Variants in SGCZ observed in about 807,000 individuals in gnomAD.
SGCZ encodes the protein zeta-sarcoglycan.
A neutral mutation model predicts 41.3 loss-of-function variants in SGCZ; 40 were observed. The observed-to-expected ratio is 0.97, with a 90% CI of 0.75 to 1.26. The LOEUF (loss-of-function observed/expected upper bound fraction) is 1.26, where lower values mean the gene tolerates loss of function less well. Among genes scored for constraint, SGCZ ranks in the 50% most tolerant of loss-of-function variants. SGCZ has a pLI of 0.00. For synonymous variants in SGCZ, 206 were observed against 137.5 expected, an observed-to-expected ratio of 1.50 and a Z score of -3.49; for missense variants, 552 against 369.8, an observed-to-expected ratio of 1.49 and a Z score of -4.04.
At chr8:14,394,889 T>C (rs1052787488) in intron 2 of SGCZ, among the ~76,000 whole-genome samples, 8 of 152,128 alleles carry the variant, frequency 5.3e-5, no homozygotes, top group Non-Finnish European at 1.0e-4. Flanking sequence ...ATGGGTGATA[T>C]TGTGCAGATA....
At chr8:14,707,891 C>A (rs535367466) in intron 1 of SGCZ, among the ~76,000 whole-genome samples, 2 of 151,884 alleles carry the variant, frequency 1.3e-5, no homozygotes, top group African/African-American at 4.8e-5. Context: ...CAATAGCATG[C>A]AATCATTAAA....
intron 2 of SGCZ, among the ~76,000 whole-genome samples, chr8:14,398,846 A>C (rs1379585850): frequency 2.6e-5 from 4 of 152,124 alleles, no homozygotes; most frequent in African/African-American, 9.7e-5. Context: ...GTGATTATTT[A>C]GCTCAAGGTG....
At chr8:14,636,982 T>A (rs1806850854) in intron 1 of SGCZ, among the ~76,000 whole-genome samples, 1 of 151,894 alleles carries the variant, frequency 6.6e-6, no homozygotes, top group Non-Finnish European at 1.5e-5. Context: ...TTTTCTGTTT[T>A]CCAAAACACG....
chr8:15,217,327 G>C (rs928754897), intron 1 of SGCZ, among the ~76,000 whole-genome samples: 2 of 150,864 alleles, frequency 1.3e-5, no homozygotes, highest in East Asian at 3.9e-4. Flanking sequence ...TGAGGCAGGA[G>C]AATGGCGTGA....
chr8:14,171,474 G>T (rs1219006532), intron 4 of SGCZ, among the ~76,000 whole-genome samples: 2 of 151,846 alleles, frequency 1.3e-5, no homozygotes, highest in Non-Finnish European at 2.9e-5. Flanking sequence ...TCAACTGGTA[G>T]TATAATCTCC....
At chr8:14,991,563 G>T (rs1436801001) in intron 1 of SGCZ, among the ~76,000 whole-genome samples, 1 of 152,032 alleles carries the variant, frequency 6.6e-6, no homozygotes, top group Non-Finnish European at 1.5e-5. Context: ...TATTATCAAA[G>T]CACTTATGCC....
At chr8:14,243,077 T>G (rs7840280) in intron 3 of SGCZ, among the ~76,000 whole-genome samples, 1 of 152,194 alleles carries the variant, frequency 6.6e-6, no homozygotes, top group Non-Finnish European at 1.5e-5. Flanking sequence ...AGATTCCAAA[T>G]GAGGAGGGTA....
intron 1 of SGCZ, among the ~76,000 whole-genome samples, chr8:14,862,818 C>G (rs1440200838): frequency 1.3e-5 from 2 of 151,788 alleles, no homozygotes; most frequent in Non-Finnish European, 2.9e-5. Flanking sequence ...CCTCTAGACA[C>G]AGTCACTAGT....
chr8:14,455,455 T>TACACACACACACAC lies in SGCZ; in HGVS notation c.234+99263_234+99276dup, dbSNP rs5889534. Reference sequence around the variant, plus strand: ...AGTGTTGAAGGGACATTTGCATGCATACACACACACACACACACACACACA... The same window carrying TACACACACACACAC: ...AGTGTTGAAGGGACATTTGCATGCATACACACACACACACACACACACACACACACACACACACA... On this transcript the variant is annotated intron_variant, in intron 2 of 7. Transcript: ENST00000382080. 5.4e-3 allele frequency among the ~76,000 whole-genome samples: 787 copies of TACACACACACACAC among 144,438 alleles called. 5 individuals carry two copies. Among genetic ancestry groups the TACACACACACACAC allele is most frequent in the Admixed American group, 0.01 (145 of 14,314 alleles). The allele number at this position is 144,438 out of a possible 152,430, so 94.8% of individuals were successfully genotyped here.
chr8:14,364,122 T>A (rs915146824), intron 2 of SGCZ, among the ~76,000 whole-genome samples: 5 of 152,224 alleles, frequency 3.3e-5, no homozygotes, highest in Non-Finnish European at 7.4e-5. Context: ...TAGTTTATTT[T>A]GTGTATAAAA....
chr8:14,720,162 T>C (rs1034977940), intron 1 of SGCZ, among the ~76,000 whole-genome samples: 1 of 151,946 alleles, frequency 6.6e-6, no homozygotes, highest in African/African-American at 2.4e-5. Flanking sequence ...CACAAATACA[T>C]ATCTTCAAAA....
intron 1 of SGCZ, among the ~76,000 whole-genome samples, chr8:15,179,114 TAA>T (rs1258066400): frequency 1.3e-5 from 2 of 152,048 alleles, no homozygotes; most frequent in African/African-American, 4.8e-5. Context: ...AAAAAAGAAA[TAA>T]GACTAAAATA....
intron 6 of SGCZ, among the ~76,000 whole-genome samples, chr8:14,104,185 TAGTC>T (rs1368110880): frequency 6.6e-6 from 1 of 152,202 alleles, no homozygotes; most frequent in African/African-American, 2.4e-5. Context: ...TCTATGTAAT[TAGTC>T]AGTGAAATTA....
chr8:14,845,884 C>T (rs529351481), intron 1 of SGCZ, among the ~76,000 whole-genome samples: 1 of 152,068 alleles, frequency 6.6e-6, no homozygotes, highest in South Asian at 2.1e-4. Flanking sequence ...CAAAACAAAG[C>T]AAAAATGGCT....
chr8:14,793,384 G>T (rs1801020652), intron 1 of SGCZ, among the ~76,000 whole-genome samples: 1 of 152,090 alleles, frequency 6.6e-6, no homozygotes, highest in Admixed American at 6.6e-5. Context: ...CACTAAGATG[G>T]CACGTAGCAC....
At chr8:14,824,867 CTTT>C (rs1802242492) in intron 1 of SGCZ, among the ~76,000 whole-genome samples, 1 of 152,020 alleles carries the variant, frequency 6.6e-6, no homozygotes, top group African/African-American at 2.4e-5. Context: ...ACTCTTACTA[CTTT>C]GTTTTCAACT....
intron 1 of SGCZ, among the ~76,000 whole-genome samples, chr8:15,223,078 G>C (rs903253025): frequency 6.6e-6 from 1 of 152,044 alleles, no homozygotes; most frequent in Non-Finnish European, 1.5e-5. Context: ...CATATTAAAT[G>C]GGCTGCTTTC....
rs77929934 is a variant in SGCZ, at chr8:14,131,298, A to G, written c.548-23063T>C. On this transcript the variant is annotated intron_variant, in intron 5 of 7. Transcript: ENST00000382080. ...TTTGCCACATCATTTCCCTGTCAGG[A>G]TCAGCTTGGAACCAAAAGGGACTTC... Among the ~76,000 whole-genome samples, 84 of 152,302 alleles carry G rather than the reference A, an allele frequency of 5.5e-4. 2 individuals are homozygous for G. In the East Asian group the frequency reaches 0.015, roughly 27 times the overall value.
intron 1 of SGCZ, among the ~76,000 whole-genome samples, chr8:14,714,729 G>GA (rs982875587): frequency 6.6e-6 from 1 of 151,746 alleles, no homozygotes; most frequent in Non-Finnish European, 1.5e-5. Flanking sequence ...AAAAATACTA[G>GA]AAAAAAATTA....
Sources: gnomAD v4.1 joint callset for allele counts (sites outside exome capture counted in the v4.1 genomes callset) on GRCh38, gnomAD v4.1.1 for gene constraint, MANE v1.5 for transcripts, NCBI Gene and HGNC (gene_info 2026-07-23, HGNC 2026-07-21) for gene names.